The following PCDH9 variants were observed in gnomAD, a reference collection of about 807,000 sequenced individuals.
The protein encoded by PCDH9 is protocadherin 9, also known as protocadherin-9.
A neutral mutation model predicts 70.6 loss-of-function variants in PCDH9; 24 were observed. The observed-to-expected ratio is 0.34, with a 90% CI of 0.25 to 0.48. The LOEUF is 0.48. Ranked by LOEUF, PCDH9 falls within the 20% of genes least tolerant of loss-of-function variation. The pLI, the probability that PCDH9 is intolerant of heterozygous loss-of-function variation, is 0.99. For missense variants in PCDH9, 1,281 were observed against 1,503.6 expected (o/e 0.85, Z 2.45); for synonymous variants, 562 against 558.5 (o/e 1.01, Z -0.09).
At position 67,228,443 on chromosome 13, in the gene PCDH9, T is replaced by C; in HGVS notation, c.-3A>G. The stretch of plus-strand genomic sequence containing the variant: ...AGGTAAAAATCCCTCAGGTCCATGA[T>C]AATGTATTTATTTTCTTTTCCTGGA... On this transcript the variant is annotated 5_prime_UTR_variant, in exon 2 of 5. Coordinates refer to ENST00000377865, the MANE Select transcript of PCDH9 (RefSeq NM_203487.3). 1 of 1,546,938 alleles carries C rather than the reference T, an allele frequency of 6.5e-7. No individual in the cohort carries two copies. Among genetic ancestry groups the C allele is most frequent in the Non-Finnish European group, 8.7e-7 (1 of 1,150,634 alleles).
intron 3 of PCDH9, among the ~76,000 whole-genome samples, chr13:66,756,568 A>G (rs1267210088): frequency 6.6e-6 from 1 of 152,112 alleles, no homozygotes; most frequent in African/African-American, 2.4e-5. Context: ...CTTTGATGCA[A>G]TCTGAATCTA....
intron 3 of PCDH9, among the ~76,000 whole-genome samples, chr13:66,695,111 G>A (rs2078542851): frequency 6.6e-6 from 1 of 151,984 alleles, no homozygotes; most frequent in Non-Finnish European, 1.5e-5. Flanking sequence ...CACCGTGTTA[G>A]CCAGGATGGT....
At chr13:67,150,256 C>T (rs760696480) in intron 2 of PCDH9, among the ~76,000 whole-genome samples, 1 of 152,064 alleles carries the variant, frequency 6.6e-6, no homozygotes, top group Non-Finnish European at 1.5e-5. Flanking sequence ...AGGCTGGCCT[C>T]GAACTCCCGA....
chr13:66,388,506 T>C (rs1303555122), intron 4 of PCDH9, among the ~76,000 whole-genome samples: 2 of 152,238 alleles, frequency 1.3e-5, no homozygotes, highest in East Asian at 1.9e-4. Context: ...TGGGTAGATG[T>C]GGTGGCTTTG....
intron 2 of PCDH9, among the ~76,000 whole-genome samples, chr13:66,949,979 T>C (rs1462138305): frequency 6.6e-6 from 1 of 152,116 alleles, no homozygotes; most frequent in Non-Finnish European, 1.5e-5. Context: ...GAAGACCATG[T>C]CTTCTAGGTT....
At chr13:66,413,420 C>T (rs999646499) in intron 4 of PCDH9, among the ~76,000 whole-genome samples, 3 of 152,092 alleles carry the variant, frequency 2.0e-5, no homozygotes, top group Admixed American at 2.0e-4. Flanking sequence ...TGCGTGGTGG[C>T]TCACACCTGT....
chr13:66,740,952 A>G (rs2079254230), intron 3 of PCDH9, among the ~76,000 whole-genome samples: 3 of 94,750 alleles, frequency 3.2e-5, no homozygotes, highest in African/African-American at 8.0e-5. Context: ...AACTATTCCA[A>G]TCAATAGAAA....
intron 3 of PCDH9, among the ~76,000 whole-genome samples, chr13:66,807,911 C>T (rs1417852999): frequency 3.9e-5 from 6 of 152,100 alleles, no homozygotes; most frequent in Non-Finnish European, 8.8e-5. Context: ...AGATATACAG[C>T]ATTTCAGTAT....
intron 2 of PCDH9, among the ~76,000 whole-genome samples, chr13:67,035,298 G>A (rs2084987849): frequency 6.6e-6 from 1 of 152,014 alleles, no homozygotes; most frequent in African/African-American, 2.4e-5. Flanking sequence ...GGTGCATATA[G>A]CTTTTATATG....
chr13:66,380,604 C>G (rs1419452793), intron 4 of PCDH9, among the ~76,000 whole-genome samples: 1 of 126,514 alleles, frequency 7.9e-6, no homozygotes, highest in Non-Finnish European at 1.6e-5. Context: ...AGTGCAGTGG[C>G]GTCATCTCGG....
intron 4 of PCDH9, among the ~76,000 whole-genome samples, chr13:66,389,703 G>T (rs915813565): frequency 1.4e-4 from 21 of 152,080 alleles, no homozygotes; most frequent in Non-Finnish European, 5.9e-5. Flanking sequence ...AGCTAGAGGG[G>T]TCTAAATGTA....
At chr13:66,624,624 GA>G (rs1176330583) in intron 4 of PCDH9, among the ~76,000 whole-genome samples, 1 of 152,156 alleles carries the variant, frequency 6.6e-6, no homozygotes. Context: ...GGGAACTTTC[GA>G]AAGACTTTAT....
chr13:66,700,096 T>C (rs1305579790), intron 3 of PCDH9, among the ~76,000 whole-genome samples: 1 of 152,330 alleles, frequency 6.6e-6, no homozygotes, highest in South Asian at 2.1e-4. Context: ...GCCCTTTGGC[T>C]GTGATGCAAG....
chr13:67,051,382 ATTTTTTTTTT>A (rs567408801), intron 2 of PCDH9, among the ~76,000 whole-genome samples: 2 of 70,992 alleles, frequency 2.8e-5, no homozygotes, highest in Non-Finnish European at 4.9e-5. Flanking sequence ...ACAATACAAG[ATTTTTTTTTT>A]TTTTTTTTTT....
chr13:67,093,661 G>A (rs1177647231), intron 2 of PCDH9, among the ~76,000 whole-genome samples: 4 of 152,008 alleles, frequency 2.6e-5, no homozygotes, highest in Non-Finnish European at 5.9e-5. Flanking sequence ...AGATTTGAAG[G>A]GATTCTGGCT....
chr13:66,964,082 T>C (rs1258450180), intron 2 of PCDH9, among the ~76,000 whole-genome samples: 2 of 152,096 alleles, frequency 1.3e-5, no homozygotes, highest in Non-Finnish European at 1.5e-5. Context: ...GCAAAACATA[T>C]ATAAATAGTG....
At chr13:66,687,393 A>C (rs2078419396) in intron 3 of PCDH9, among the ~76,000 whole-genome samples, 1 of 152,076 alleles carries the variant, frequency 6.6e-6, no homozygotes, top group Non-Finnish European at 1.5e-5. Flanking sequence ...TTTGTGTCAC[A>C]GTATTTTTTT....
At chr13:66,939,447 T>C (rs912145084) in intron 2 of PCDH9, among the ~76,000 whole-genome samples, 5 of 151,774 alleles carry the variant, frequency 3.3e-5, no homozygotes, top group African/African-American at 1.2e-4. Flanking sequence ...TGTGTGTGTG[T>C]GTGTGTGTGT....
In PCDH9 at chr13:67,228,237, A is replaced by C; in HGVS notation, c.204T>G (p.Ser68=). ...TCACCAAAGGGGCATCCCCAGCTTT[A>C]GAAACCAGTCTGTAGACAAGGCTGG... ...TSASLVYRLV[S]KAGDAPLVKV... Residue 68 remains serine, a synonymous_variant, in exon 2 of 5, where the codon TCT becomes TCG. Coordinates refer to ENST00000377865, the MANE Select transcript of PCDH9 (RefSeq NM_203487.3). 2 of 1,612,454 alleles carry C rather than the reference A, an allele frequency of 1.2e-6. No homozygotes were observed. Among genetic ancestry groups the C allele is most frequent in the Non-Finnish European group, 8.5e-7 (1 of 1,179,286 alleles).
Sources: gnomAD v4.1 joint callset for allele counts (sites outside exome capture counted in the v4.1 genomes callset) on GRCh38, gnomAD v4.1.1 for gene constraint, MANE v1.5 for transcripts, NCBI Gene and HGNC (gene_info 2026-07-23, HGNC 2026-07-21) for gene names.